KIZ: variants seen among roughly 807,000 people sequenced by gnomAD.
KIZ encodes centrosomal protein kizuna.
A neutral mutation model predicts 79.6 loss-of-function variants in KIZ; 68 were observed. The ratio of observed to expected loss-of-function variants is 0.85; its 90% CI spans 0.70 to 1.05. KIZ has a LOEUF of 1.05. KIZ is among the 50% of genes least tolerant of loss of function. The probability of loss-of-function intolerance (pLI) is 0.00; values close to 1 mark genes in which losing one functional copy is unlikely to be tolerated. For synonymous variants in KIZ, 280 were observed against 281.8 expected (o/e 0.99, Z 0.06); for missense variants, 797 against 800.4 (o/e 1.00, Z 0.05).
chr20:21,135,560 A>G (rs778252692), intron 2 of KIZ, among the ~76,000 whole-genome samples: 3 of 152,230 alleles, frequency 2.0e-5, no homozygotes, highest in Non-Finnish European at 2.9e-5. Flanking sequence ...CATCTTTGCA[A>G]ATCTTTGTTT....
rs1600600500 is a variant in KIZ at position 21,229,056 on chromosome 20, A to G, written c.1724A>G (p.Asn575Ser). The change falls in exon 10 of 13, where the codon AAT becomes AGT. Residue 575 changes from asparagine (N) to serine (S), a missense_variant. Coordinates refer to ENST00000619189, the MANE Select transcript of KIZ (RefSeq NM_018474.6). ...CTGAAGAAGGCCACCCTTCAGGATA[A>G]TACAAATCAAACTGAAAACAGGTTT... is the stretch of plus-strand genomic sequence containing the variant. ...QLLKKATLQDNTNQTENRFQK... is the reference protein window; with the variant it reads ...QLLKKATLQDSTNQTENRFQK... The G allele has an allele frequency of 5.6e-6, 9 of 1,612,826 alleles. No homozygotes were observed. The East Asian group carries it at 2.0e-4, about 36-fold the overall frequency.
intron 6 of KIZ, among the ~76,000 whole-genome samples, chr20:21,193,137 G>C (rs539565715): frequency 1.2e-4 from 18 of 152,194 alleles, no homozygotes; most frequent in African/African-American, 4.1e-4. Context: ...TGTATTTTGG[G>C]ATATCAGCTT....
intron 6 of KIZ, among the ~76,000 whole-genome samples, chr20:21,199,655 T>C (rs1447749350): frequency 1.3e-5 from 2 of 152,170 alleles, no homozygotes; most frequent in Admixed American, 1.3e-4. Context: ...TTGTGCCCCT[T>C]AGCACCCAGA....
chr20:21,140,429 A>G (rs936713962), intron 3 of KIZ, among the ~76,000 whole-genome samples: 1 of 152,228 alleles, frequency 6.6e-6, no homozygotes, highest in Non-Finnish European at 1.5e-5. Flanking sequence ...AACTGATACC[A>G]AGTGACTTTC....
At chr20:21,140,972 G>T (rs959354682) in intron 3 of KIZ, among the ~76,000 whole-genome samples, 1 of 152,006 alleles carries the variant, frequency 6.6e-6, no homozygotes, top group Non-Finnish European at 1.5e-5. Flanking sequence ...TGACACTGCA[G>T]TCTAGCCCTG....
intron 1 of KIZ, among the ~76,000 whole-genome samples, chr20:21,127,690 T>G (rs1366406777): frequency 6.6e-6 from 1 of 152,222 alleles, no homozygotes; most frequent in Non-Finnish European, 1.5e-5. Flanking sequence ...TAATGCACAC[T>G]GGACACAGTT....
At chr20:21,213,037 T>A (rs899198468) in intron 7 of KIZ, among the ~76,000 whole-genome samples, 3 of 152,212 alleles carry the variant, frequency 2.0e-5, no homozygotes, top group African/African-American at 7.2e-5. Flanking sequence ...CAAGGCTAAC[T>A]TGACACCAAG....
At chr20:21,211,871 G>A (rs928434753) in intron 7 of KIZ, among the ~76,000 whole-genome samples, 4 of 152,152 alleles carry the variant, frequency 2.6e-5, no homozygotes, top group Admixed American at 6.5e-5. Flanking sequence ...CGCAGATCAC[G>A]TGAGGACAGG....
chr20:21,164,515 A>G lies in KIZ; in HGVS notation c.1352+1356A>G, dbSNP rs141933945. Among the ~76,000 whole-genome samples, 175 of 152,290 alleles carry G rather than the reference A, an allele frequency of 1.1e-3. 2 individuals carry two copies. Among genetic ancestry groups the G allele is most frequent in the African/African-American group, 4.1e-3 (171 of 41,554 alleles). ...TATTACTGGAGGTAGAATGTTATCT[A>G]TCTCTAGTTTTGTGTTTGTGGGCTT... On this transcript the variant is annotated intron_variant, in intron 6 of 12. Coordinates refer to ENST00000619189, the MANE Select transcript of KIZ (RefSeq NM_018474.6).
At chr20:21,207,548 T>A (rs1424677619) in intron 7 of KIZ, among the ~76,000 whole-genome samples, 2 of 144,962 alleles carry the variant, frequency 1.4e-5, no homozygotes, top group Non-Finnish European at 3.0e-5. Context: ...CTTTTCCCTC[T>A]TCTCCTCAAA....
chr20:21,136,232 C>T (rs1862441526), intron 2 of KIZ, among the ~76,000 whole-genome samples, 158 bp from the exon 3 acceptor site: 1 of 151,790 alleles, frequency 6.6e-6, no homozygotes, highest in African/African-American at 2.4e-5. Flanking sequence ...TTTCTCTCTC[C>T]AAAAATGTGT....
intron 6 of KIZ, among the ~76,000 whole-genome samples, chr20:21,172,020 T>A (rs1413638446): frequency 6.6e-6 from 1 of 152,216 alleles, no homozygotes; most frequent in Non-Finnish European, 1.5e-5. Flanking sequence ...TATCACTAAA[T>A]GCCCTCTCTT....
intron 9 of KIZ, among the ~76,000 whole-genome samples, chr20:21,219,157 A>G (rs2036411695): frequency 7.9e-6 from 1 of 126,162 alleles, no homozygotes; most frequent in Non-Finnish European, 1.7e-5. Flanking sequence ...AGCTCTTTAA[A>G]TATTTGAGGA....
chr20:21,188,463 A>C (rs1286886371), intron 6 of KIZ, among the ~76,000 whole-genome samples: 2 of 152,328 alleles, frequency 1.3e-5, no homozygotes, highest in East Asian at 3.9e-4. Flanking sequence ...CTGCCATGTC[A>C]CAGAAAACAA....
At chr20:21,141,024 T>C (rs375768242) in intron 3 of KIZ, among the ~76,000 whole-genome samples, 18 of 151,820 alleles carry the variant, frequency 1.2e-4, no homozygotes, top group East Asian at 9.7e-4. Context: ...AAATTAATAA[T>C]AATAAAGTAA....
intron 6 of KIZ, among the ~76,000 whole-genome samples, chr20:21,199,619 G>A (rs149716974): frequency 3.9e-5 from 6 of 152,224 alleles, no homozygotes; most frequent in East Asian, 3.9e-4. Flanking sequence ...AGGCTGCCCC[G>A]CTGCCCTCCT....
chr20:21,239,721 A>G (rs993059449), intron 11 of KIZ, among the ~76,000 whole-genome samples: 5 of 152,162 alleles, frequency 3.3e-5, no homozygotes, highest in Non-Finnish European at 5.9e-5. Flanking sequence ...ACTGTTTTCC[A>G]TAGTGCACTG....
chr20:21,219,193 T>TATAG (rs147810040), intron 9 of KIZ, among the ~76,000 whole-genome samples: 48,762 of 151,752 alleles, frequency 0.32, 7,896 homozygotes, highest in East Asian at 0.39. Flanking sequence ...GTAGAATATT[T>TATAG]ATCGAGCTTA....
chr20:21,160,406 A>C (rs2033598991), intron 4 of KIZ, among the ~76,000 whole-genome samples: 1 of 152,134 alleles, frequency 6.6e-6, no homozygotes, highest in African/African-American at 2.4e-5. Flanking sequence ...CCTGCGACTC[A>C]GTAAAGACAT....
Sources: allele counts gnomAD v4.1 joint callset (sites outside exome capture counted in the v4.1 genomes callset), GRCh38; gene constraint gnomAD v4.1.1; transcripts MANE v1.5; gene names NCBI Gene and HGNC (gene_info 2026-07-23, HGNC 2026-07-21).